Variants in N4BP1 observed in about 807,000 individuals in gnomAD.
N4BP1 encodes the protein NEDD4-binding protein 1.
Under a neutral mutation model 70.9 loss-of-function variants are expected in N4BP1, and 21 were observed. That is an observed-to-expected ratio of 0.30 (90% confidence interval 0.21 to 0.43). N4BP1 has a LOEUF of 0.43. Ranked by LOEUF, N4BP1 falls within the 20% of genes least tolerant of loss-of-function variation. The pLI is 1.00. For synonymous variants in N4BP1, 387 were observed against 394.6 expected (o/e 0.98, Z 0.23); for missense variants, 936 against 1,069.4 (o/e 0.88, Z 1.74).
At chr16:48,573,275 A>G (rs970083156) in intron 1 of N4BP1, among the ~76,000 whole-genome samples, 3 of 152,038 alleles carry the variant, frequency 2.0e-5, no homozygotes, top group African/African-American at 7.2e-5. Context: ...AAAGAAAGTG[A>G]ATAATGCCTA....
intron 1 of N4BP1, among the ~76,000 whole-genome samples, chr16:48,566,475 C>T (rs574508385): frequency 5.3e-5 from 8 of 152,234 alleles, no homozygotes; most frequent in East Asian, 1.9e-4. Flanking sequence ...CCCTTTGACT[C>T]GTAAATTTAG....
chr16:48,545,764 G>A (rs1030226027), intron 6 of N4BP1, among the ~76,000 whole-genome samples: 2 of 151,832 alleles, frequency 1.3e-5, no homozygotes, highest in Non-Finnish European at 2.9e-5. Context: ...GGTGGCTCAT[G>A]CCTATAATCC....
Position 48,540,059 on chromosome 16 carries a change from A to C in N4BP1, c.*2845T>G, listed in dbSNP as rs1963470576. On this transcript the variant is annotated 3_prime_UTR_variant, in exon 7 of 7. Coordinates refer to ENST00000262384, the MANE Select transcript of N4BP1 (RefSeq NM_153029.4). ...TCCGGGAATCAGGCTGTTTCAATCT[A>C]AAACATCCAAGATAAGTGGAAACAC... 1 of 152,336 alleles carries C rather than the reference A, an allele frequency of 6.6e-6. No individual in the cohort carries two copies. Among genetic ancestry groups the C allele is most frequent in the Non-Finnish European group, 1.5e-5 (1 of 68,086 alleles). 9.4% of individuals were successfully genotyped at this position (152,336 alleles called of 1,614,324 possible). A position where few individuals can be genotyped will look rare whatever the true frequency, so the allele number is the denominator to read the frequency against.
At chr16:48,565,099 C>T (rs185864512) in intron 1 of N4BP1, among the ~76,000 whole-genome samples, 12 of 152,334 alleles carry the variant, frequency 7.9e-5, no homozygotes, top group East Asian at 1.9e-4. Flanking sequence ...AATTCCTACA[C>T]AGACAATTGT....
In N4BP1 at chr16:48,561,344, G is replaced by A. The variant is rs1963852879; in HGVS notation, c.1299C>T (p.His433=). ...ATTTTTCTACCATATTTTGCTGTGTGTGAGCCTGTGTTTTCTTTGGAGTGG... is the reference window on the plus strand; with the variant it reads ...ATTTTTCTACCATATTTTGCTGTGTATGAGCCTGTGTTTTCTTTGGAGTGG... The part of the protein sequence containing the change: ...TDSTPKKTQA[H]TQQNMVEKFS... Residue 433 remains histidine (H), a synonymous_variant, in exon 2 of 7, where the codon CAC becomes CAT. Coordinates refer to ENST00000262384, the MANE Select transcript of N4BP1 (RefSeq NM_153029.4). 3 of 1,613,792 alleles carry A rather than the reference G, an allele frequency of 1.9e-6. No homozygotes were observed. The highest frequency in any genetic ancestry group is 1.7e-5 in the Admixed American group (1 of 59,976).
chr16:48,570,483 A>C (rs148015863), intron 1 of N4BP1, among the ~76,000 whole-genome samples: 49 of 152,260 alleles, frequency 3.2e-4, no homozygotes, highest in Middle Eastern at 3.4e-3. Context: ...GGTAGCTGGG[A>C]CTACAGGCAC....
intron 1 of N4BP1, among the ~76,000 whole-genome samples, chr16:48,582,422 G>A (rs1336353052): frequency 6.6e-6 from 1 of 151,606 alleles, no homozygotes; most frequent in Non-Finnish European, 1.5e-5. Flanking sequence ...CAGATCGACT[G>A]TAGCAGTATC....
intron 1 of N4BP1, among the ~76,000 whole-genome samples, chr16:48,605,642 T>C (rs1253916386): frequency 6.6e-6 from 1 of 152,156 alleles, no homozygotes; most frequent in Non-Finnish European, 1.5e-5. Context: ...TAATGCCAAA[T>C]TGCATAAAAG....
intron 4 of N4BP1, among the ~76,000 whole-genome samples, chr16:48,551,120 A>G (rs1249396410): frequency 4.6e-5 from 7 of 152,302 alleles, no homozygotes; most frequent in African/African-American, 1.7e-4. Flanking sequence ...GACAAACATT[A>G]CTTTTAGCAC....
At chr16:48,609,012 C>T (rs1453447769) in intron 1 of N4BP1, among the ~76,000 whole-genome samples, 1 of 147,472 alleles carries the variant, frequency 6.8e-6, no homozygotes, top group African/African-American at 2.5e-5. Flanking sequence ...TCCAAGAGTT[C>T]GAGACCTGCC....
At chr16:48,551,331 G>T in intron 4 of N4BP1, 55 bp downstream of exon 4, 1 of 1,362,698 alleles carries the variant, frequency 7.3e-7, no homozygotes, top group Non-Finnish European at 1.0e-6. Context: ...CAGAGCAGGT[G>T]GCTGGCTCCT....
Position 48,539,935 on chromosome 16 carries a change from C to T in N4BP1, c.*2969G>A, listed in dbSNP as rs1963467435. 1 of 152,398 alleles carries T rather than the reference C, an allele frequency of 6.6e-6. No homozygotes were observed. The highest frequency in any genetic ancestry group is 6.5e-5 in the Admixed American group (1 of 15,296). 9.4% of individuals were successfully genotyped at this position (152,398 alleles called of 1,614,324 possible). On this transcript the variant is annotated 3_prime_UTR_variant, in exon 7 of 7. Coordinates refer to ENST00000262384, the MANE Select transcript of N4BP1 (RefSeq NM_153029.4). ...CCGGGCCGTCCCCAAGGGCTGCTCT[C>T]AGTCCGCTTTCACTTGGTGGGCGAA...
chr16:48,562,888 T>C (rs1455570889), intron 1 of N4BP1, among the ~76,000 whole-genome samples: 1 of 152,196 alleles, frequency 6.6e-6, no homozygotes, highest in Non-Finnish European at 1.5e-5. Flanking sequence ...TTACCCTTGG[T>C]TTCCAGATTT....
intron 1 of N4BP1, among the ~76,000 whole-genome samples, chr16:48,591,627 C>T (rs1178319630): frequency 7.7e-6 from 1 of 130,464 alleles, no homozygotes; most frequent in Non-Finnish European, 1.6e-5. Context: ...TTTTAAAAGG[C>T]CTTGGTTTTT....
At position 48,561,780 on chromosome 16, in the gene N4BP1, G is replaced by C. The variant is rs1474562681; in HGVS notation, c.863C>G (p.Ser288Cys). The C allele has an allele frequency of 6.2e-7, 1 of 1,613,112 alleles. No individual in the cohort carries two copies. Among genetic ancestry groups the C allele is most frequent in the East Asian group, 2.2e-5 (1 of 44,866 alleles). The change falls in exon 2 of 7, where the codon TCT becomes TGT. Residue 288 changes from serine to cysteine, a missense_variant. Transcript: ENST00000262384. ...NERICQKRRF[S>C]DSEERHTKKQ... The stretch of plus-strand genomic sequence containing the variant: ...CTTCGTATGCCTTTCTTCAGAATCA[G>C]AAAATCTCCTTTTCTGACAAATTCT...
At chr16:48,590,448 C>T (rs1194701956) in intron 1 of N4BP1, among the ~76,000 whole-genome samples, 1 of 152,170 alleles carries the variant, frequency 6.6e-6, no homozygotes, top group Non-Finnish European at 1.5e-5. Context: ...GATAAATTGG[C>T]TCTGTCTAGG....
At chr16:48,558,995 CAGA>C (rs1963802904) in intron 2 of N4BP1, among the ~76,000 whole-genome samples, 1 of 152,184 alleles carries the variant, frequency 6.6e-6, no homozygotes, top group Non-Finnish European at 1.5e-5. Context: ...TAATAAAAAG[CAGA>C]AGAATCCTTA....
chr16:48,544,060 G>A (rs1281188278), intron 6 of N4BP1, among the ~76,000 whole-genome samples: 1 of 152,226 alleles, frequency 6.6e-6, no homozygotes, highest in Non-Finnish European at 1.5e-5. Flanking sequence ...CTCTGACACA[G>A]GCCTCGGGCC....
At chr16:48,559,982 T>C (rs955725697) in intron 2 of N4BP1, among the ~76,000 whole-genome samples, 3 of 152,194 alleles carry the variant, frequency 2.0e-5, no homozygotes, top group African/African-American at 4.8e-5. Context: ...AGGCAACAGA[T>C]TGCAGCAACT....
Sources: allele counts gnomAD v4.1 joint callset (sites outside exome capture counted in the v4.1 genomes callset), GRCh38; gene constraint gnomAD v4.1.1; transcripts MANE v1.5; gene names NCBI Gene and HGNC (gene_info 2026-07-23, HGNC 2026-07-21).